WASHC2C: variants seen among roughly 807,000 people sequenced by gnomAD.
The protein encoded by WASHC2C is WASH complex subunit 2C, also known as Vaccinia Penetration Factor.
WASHC2C carries 73 observed loss-of-function variants against 142.2 expected under a neutral mutation model. The observed-to-expected ratio is 0.51, with a 90% CI of 0.43 to 0.62. The LOEUF (loss-of-function observed/expected upper bound fraction) is 0.62. WASHC2C is among the 20% of genes least tolerant of loss of function. The pLI is 0.00. For missense variants in WASHC2C, 969 were observed against 1,531.7 expected (o/e 0.63, Z 6.13); for synonymous variants, 337 against 565.5 (o/e 0.60, Z 5.73).
intron 28 of WASHC2C, among the ~76,000 whole-genome samples, chr10:45,787,849 T>C (rs2573467): frequency 2.0e-3 from 304 of 152,336 alleles, no homozygotes; most frequent in Middle Eastern, 6.8e-3. Context: ...CTGCACTCCC[T>C]GCACCAAGTT....
At chr10:45,758,466 T>A (rs1397820668) in intron 16 of WASHC2C, among the ~76,000 whole-genome samples, 28 of 152,298 alleles carry the variant, frequency 1.8e-4, no homozygotes, top group African/African-American at 6.7e-4. Flanking sequence ...ACTATTTTTT[T>A]AATTCTATAT....
intron 3 of WASHC2C, 85 bp from the exon 4 acceptor site, chr10:45,737,898 C>T: frequency 6.2e-7 from 1 of 1,611,012 alleles, no homozygotes; most frequent in Admixed American, 1.7e-5. Context: ...CATCTTTGTC[C>T]TTAGTTACTG....
Position 45,789,091 on chromosome 10 carries a change from G to A in WASHC2C, c.3308G>A (p.Trp1103Ter). Residue 1103 changes from tryptophan (W) to a stop codon, truncating the protein, a stop_gained, in exon 29 of 31, where the codon TGG becomes TAG. Transcript: ENST00000623400. LOFTEE classifies it high-confidence loss of function. Reference protein sequence around the residue: ...EEALAAAAAPWEGGPVPGVDT... With the variant: ...EEALAAAAAP ...GCCCTGGCAGCTGCCGCTGCACCTT[G>A]GGAAGGTGGTCCTGTGCCTGGAGTG... The A allele has an allele frequency of 6.2e-7, 1 of 1,612,082 alleles. No homozygotes were observed. The highest frequency in any genetic ancestry group is 8.5e-7 in the Non-Finnish European group (1 of 1,179,868).
At chr10:45,729,105 C>T in intron 3 of WASHC2C, 79 bp downstream of exon 3, 1 of 1,414,606 alleles carries the variant, frequency 7.1e-7, no homozygotes, top group Non-Finnish European at 9.4e-7. Context: ...CTGTTAGGTT[C>T]CCTCCTAAAT....
chr10:45,754,353 G>A, intron 13 of WASHC2C, 133 bp from the exon 14 acceptor site: 1 of 1,533,272 alleles, frequency 6.5e-7, no homozygotes, highest in Non-Finnish European at 8.8e-7. Flanking sequence ...ATTTTAAAAT[G>A]GCTTGTTCAG....
chr10:45,745,378 G>C (rs1360653532), intron 7 of WASHC2C, among the ~76,000 whole-genome samples: 1 of 152,150 alleles, frequency 6.6e-6, no homozygotes, highest in Non-Finnish European at 1.5e-5. Flanking sequence ...TCCTTGTCTA[G>C]AGTTTGAGTC....
intron 23 of WASHC2C, among the ~76,000 whole-genome samples, chr10:45,784,255 T>TATACAC: frequency 1.6e-4 from 1 of 6,072 alleles, no homozygotes; most frequent in Non-Finnish European, 4.5e-4. Context: ...TGTGTGTGTA[T>TATACAC]ATATATATAT....
chr10:45,775,839 C>T (rs1448397686), intron 21 of WASHC2C, among the ~76,000 whole-genome samples: 857 of 151,630 alleles, frequency 5.7e-3, no homozygotes, highest in African/African-American at 0.02. Flanking sequence ...CCACCATGCC[C>T]GACTAATTTT....
chr10:45,764,742 T>C (rs1375524961), intron 18 of WASHC2C, among the ~76,000 whole-genome samples: 26 of 152,390 alleles, frequency 1.7e-4, no homozygotes, highest in Non-Finnish European at 3.2e-4. Context: ...CTCATGTGGC[T>C]TAACAGTGAG....
chr10:45,777,755 CT>C (rs1270553732), intron 22 of WASHC2C, among the ~76,000 whole-genome samples: 1 of 78,274 alleles, frequency 1.3e-5, no homozygotes, highest in African/African-American at 5.6e-5. Context: ...CCCAAGTGCA[CT>C]TGAATTTAAA....
rs782652854 is a variant in WASHC2C, at chr10:45,743,420, C to T, written c.559C>T (p.Leu187Phe). ...ATACATTGATCGTCCTTTACCATATCTCATTGGGTCAAAGCTGTTCATGGA... is the reference window on the plus strand; with the variant it reads ...ATACATTGATCGTCCTTTACCATATTTCATTGGGTCAAAGCTGTTCATGGA... Reference protein sequence around the residue: ...DLYIDRPLPYLIGSKLFMEQE... With the variant: ...DLYIDRPLPYFIGSKLFMEQE... Residue 187 changes from leucine (L) to phenylalanine (F), a missense_variant, in exon 6 of 31, where the codon CTC becomes TTC. Leu to Phe is a conservative substitution (Grantham distance 22). Coordinates refer to ENST00000623400, the MANE Select transcript of WASHC2C (RefSeq NM_001330074.2). The T allele has an allele frequency of 1.2e-6, 2 of 1,611,778 alleles. No homozygotes were observed.
rs1486165729 is a variant in WASHC2C, at chr10:45,784,303, T to C, written c.2479-262T>C. ...ATATATATATATACACATATATATA[T>C]ATATATATACACACACATATATATA... On this transcript the variant is annotated intron_variant, in intron 23 of 30. Transcript: ENST00000623400. 3.7e-5 allele frequency among the ~76,000 whole-genome samples: 3 copies of C among 80,602 alleles called. No individual in the cohort carries two copies. The East Asian group carries it at 2.2e-3, about 58-fold the overall frequency. 52.9% of individuals were successfully genotyped at this position (80,602 alleles called of 152,430 possible).
intron 3 of WASHC2C, among the ~76,000 whole-genome samples, chr10:45,729,777 G>C (rs1387931910): frequency 3.4e-5 from 5 of 146,258 alleles, no homozygotes; most frequent in Admixed American, 7.0e-5. Flanking sequence ...GATTATTAAA[G>C]TAAGCGATCT....
intron 20 of WASHC2C, among the ~76,000 whole-genome samples, chr10:45,771,917 G>A (rs1333995259): frequency 1.3e-5 from 2 of 152,276 alleles, no homozygotes; most frequent in African/African-American, 4.8e-5. Context: ...TAAGAGAAAT[G>A]AAATTAGTTG....
At chr10:45,780,901 C>T (rs1466130333) in intron 23 of WASHC2C, among the ~76,000 whole-genome samples, 1 of 151,544 alleles carries the variant, frequency 6.6e-6, no homozygotes, top group Non-Finnish European at 1.5e-5. Context: ...TTATAGGCAC[C>T]CACCACCATG....
chr10:45,789,350 A>G lies in WASHC2C; in HGVS notation c.3567A>G (p.Lys1189=). The G allele has an allele frequency of 6.2e-7, 1 of 1,612,090 alleles. No homozygotes were observed. The highest frequency in any genetic ancestry group is 8.5e-7 in the Non-Finnish European group (1 of 1,179,876). Residue 1189 remains lysine, a synonymous_variant, in exon 29 of 31, where the codon AAA becomes AAG. Transcript: ENST00000623400. ...SSDDDLFQSA[K]PKPAKKTNPF... is the part of the protein sequence containing the mutation. ...ATGATGATCTCTTTCAGTCTGCTAA[A>G]CCAAAACCAGCAAAGAAAACAAATC... is the stretch of plus-strand genomic sequence containing the variant.
intron 8 of WASHC2C, among the ~76,000 whole-genome samples, chr10:45,749,862 T>C (rs1282729935): frequency 7.1e-6 from 1 of 140,982 alleles, no homozygotes; most frequent in Non-Finnish European, 1.5e-5. Context: ...TATATTTATA[T>C]ATATATATAT....
At chr10:45,757,539 A>G (rs1460132873) in intron 16 of WASHC2C, among the ~76,000 whole-genome samples, 12 of 152,076 alleles carry the variant, frequency 7.9e-5, no homozygotes, top group African/African-American at 2.7e-4. Context: ...CAGTAATTCT[A>G]TAGTAGAATC....
intron 13 of WASHC2C, among the ~76,000 whole-genome samples, chr10:45,753,827 T>G (rs1450993017): frequency 1.0e-4 from 14 of 136,372 alleles, no homozygotes; most frequent in African/African-American, 3.8e-4. Flanking sequence ...ATAAATATGT[T>G]TTTTTTTTTT....
Sources: allele counts gnomAD v4.1 joint callset (sites outside exome capture counted in the v4.1 genomes callset), GRCh38; gene constraint gnomAD v4.1.1; transcripts MANE v1.5; gene names NCBI Gene and HGNC (gene_info 2026-07-23, HGNC 2026-07-21).